The following LHFPL4 variants were observed in gnomAD, a reference collection of about 807,000 sequenced individuals.
The protein encoded by LHFPL4 is LHFPL tetraspan subfamily member 4 protein.
Under a neutral mutation model 20.0 loss-of-function variants are expected in LHFPL4, and 6 were observed. That is an observed-to-expected ratio of 0.30 (90% CI 0.16 to 0.59). The LOEUF (loss-of-function observed/expected upper bound fraction) is 0.59. Among genes scored for constraint, LHFPL4 ranks in the 20% least tolerant of loss-of-function variants. LHFPL4 has a pLI of 0.88. For synonymous variants in LHFPL4, 129 were observed against 143.8 expected, an observed-to-expected ratio of 0.90 and a Z score of 0.74; for missense variants, 215 against 331.2, an observed-to-expected ratio of 0.65 and a Z score of 2.72.
intron 2 of LHFPL4, among the ~76,000 whole-genome samples, chr3:9,508,463 C>G (rs2046234976): frequency 6.6e-6 from 1 of 152,222 alleles, no homozygotes; most frequent in Non-Finnish European, 1.5e-5. Context: ...GCGGCGGGAA[C>G]AAGCTGGATG....
chr3:9,534,061 A>G (rs2046428899), intron 2 of LHFPL4, among the ~76,000 whole-genome samples: 1 of 152,036 alleles, frequency 6.6e-6, no homozygotes, highest in African/African-American at 2.4e-5. Flanking sequence ...AAAAAATACC[A>G]AAAAATTAGC....
At chr3:9,513,357 T>C (rs1204129895) in intron 2 of LHFPL4, among the ~76,000 whole-genome samples, 1 of 151,682 alleles carries the variant, frequency 6.6e-6, no homozygotes, top group Non-Finnish European at 1.5e-5. Flanking sequence ...TCACTTGTTT[T>C]GTCTTGCTCT....
intron 3 of LHFPL4, among the ~76,000 whole-genome samples, chr3:9,503,632 T>G (rs777506120): frequency 1.3e-5 from 2 of 152,226 alleles, no homozygotes; most frequent in African/African-American, 2.4e-5. Context: ...TTGGGCAAAT[T>G]ACTGGAGCTC....
intron 3 of LHFPL4, among the ~76,000 whole-genome samples, chr3:9,505,191 G>A (rs1282781756): frequency 6.6e-6 from 1 of 152,188 alleles, no homozygotes; most frequent in African/African-American, 2.4e-5. Context: ...ACAGGCAAAT[G>A]ATCAGATCTG....
intron 2 of LHFPL4, 26 bp downstream of exon 2, chr3:9,552,248 G>A (rs774669028): frequency 1.9e-6 from 3 of 1,566,732 alleles, no homozygotes; most frequent in African/African-American, 2.7e-5. Context: ...GCTTGTTCTG[G>A]GAGTTCCGTC....
At position 9,546,374 on chromosome 3, in the gene LHFPL4, A is replaced by G. The variant is rs531661140; in HGVS notation, c.406+5900T>C. ...ACAACTGGAAGGCTGAAAGGTACTCACTTCTAGATCCCCCAAACCCCTCTA... is the reference window on the plus strand; with the variant it reads ...ACAACTGGAAGGCTGAAAGGTACTCGCTTCTAGATCCCCCAAACCCCTCTA... On this transcript the variant is annotated intron_variant, in intron 2 of 3. Coordinates refer to ENST00000287585, the MANE Select transcript of LHFPL4 (RefSeq NM_198560.3). 7.3e-5 allele frequency among the ~76,000 whole-genome samples: 11 copies of G among 151,188 alleles called. No individual in the cohort carries two copies. The South Asian group carries it at 2.3e-3, about 32-fold the overall frequency.
At chr3:9,521,002 T>TCA (rs1462493413) in intron 2 of LHFPL4, among the ~76,000 whole-genome samples, 3 of 152,128 alleles carry the variant, frequency 2.0e-5, no homozygotes, top group Admixed American at 6.5e-5. Context: ...GATAGAGAGG[T>TCA]CTCGAAGTCT....
chr3:9,512,813 A>G (rs774591443), intron 2 of LHFPL4, among the ~76,000 whole-genome samples: 4 of 152,250 alleles, frequency 2.6e-5, no homozygotes, highest in Non-Finnish European at 4.4e-5. Context: ...TGTGATGGTC[A>G]GGAATCCAGC....
At chr3:9,538,606 T>C (rs1423198854) in intron 2 of LHFPL4, among the ~76,000 whole-genome samples, 1 of 152,228 alleles carries the variant, frequency 6.6e-6, no homozygotes, top group East Asian at 1.9e-4. Context: ...GTCCCCATTT[T>C]ATAGGTGAGT....
At chr3:9,533,292 C>T (rs907661365) in intron 2 of LHFPL4, among the ~76,000 whole-genome samples, 8 of 152,146 alleles carry the variant, frequency 5.3e-5, no homozygotes, top group African/African-American at 1.9e-4. Flanking sequence ...CTCACAATCC[C>T]AAATTGGAAA....
At chr3:9,546,898 A>C (rs919413815) in intron 2 of LHFPL4, among the ~76,000 whole-genome samples, 1 of 152,212 alleles carries the variant, frequency 6.6e-6, no homozygotes, top group African/African-American at 2.4e-5. Flanking sequence ...TTATAGATGG[A>C]GAAACTGAGA....
intron 2 of LHFPL4, among the ~76,000 whole-genome samples, chr3:9,550,324 C>T (rs888479743): frequency 6.6e-6 from 1 of 152,184 alleles, no homozygotes; most frequent in Non-Finnish European, 1.5e-5. Context: ...ATGGGTGGGG[C>T]AGTAATGCAA....
intron 2 of LHFPL4, among the ~76,000 whole-genome samples, chr3:9,548,614 C>T (rs73130188): frequency 6.6e-6 from 1 of 152,192 alleles, no homozygotes; most frequent in Non-Finnish European, 1.5e-5. Flanking sequence ...ATTTCCAGCC[C>T]GCACATATTA....
intron 2 of LHFPL4, among the ~76,000 whole-genome samples, chr3:9,533,659 G>A (rs558718455): frequency 6.6e-6 from 1 of 152,154 alleles, no homozygotes; most frequent in Non-Finnish European, 1.5e-5. Flanking sequence ...GCGGGCGCCT[G>A]TAGTCCCAGC....
chr3:9,540,315 A>T (rs1036223948), intron 2 of LHFPL4, among the ~76,000 whole-genome samples: 2 of 152,218 alleles, frequency 1.3e-5, no homozygotes, highest in Non-Finnish European at 2.9e-5. Context: ...CAAGCCACAG[A>T]ACCAAATGTT....
At chr3:9,523,277 A>T (rs1157755447) in intron 2 of LHFPL4, among the ~76,000 whole-genome samples, 1 of 150,416 alleles carries the variant, frequency 6.6e-6, no homozygotes, top group Non-Finnish European at 1.5e-5. Context: ...GCTACTCGGG[A>T]GGCTGAGGCA....
At chr3:9,503,441 G>A (rs562076208) in intron 3 of LHFPL4, among the ~76,000 whole-genome samples, 1 of 152,194 alleles carries the variant, frequency 6.6e-6, no homozygotes, top group Non-Finnish European at 1.5e-5. Context: ...CCCGGGGTCT[G>A]AGGGACTGCA....
At chr3:9,545,293 G>A (rs1408041725) in intron 2 of LHFPL4, among the ~76,000 whole-genome samples, 6 of 151,996 alleles carry the variant, frequency 3.9e-5, no homozygotes, top group East Asian at 1.9e-4. Context: ...GAGGGAAAGC[G>A]GAAAGAAATT....
intron 2 of LHFPL4, among the ~76,000 whole-genome samples, chr3:9,524,294 A>C (rs1443802919): frequency 6.6e-6 from 1 of 151,128 alleles, no homozygotes; most frequent in African/African-American, 2.4e-5. Context: ...GTCTAACAAT[A>C]ATTTGGGGAC....
Sources: allele counts gnomAD v4.1 joint callset (sites outside exome capture counted in the v4.1 genomes callset), GRCh38; gene constraint gnomAD v4.1.1; transcripts MANE v1.5; gene names NCBI Gene and HGNC (gene_info 2026-07-23, HGNC 2026-07-21).